ROBO2: variants seen among roughly 807,000 people sequenced by gnomAD.
ROBO2 encodes the protein roundabout homolog 2.
In ROBO2, 53 loss-of-function variants were observed where a neutral mutation model predicts 160.8. The observed-to-expected ratio is 0.33, with a 90% CI of 0.26 to 0.41. ROBO2 has a LOEUF of 0.41. Among genes scored for constraint, ROBO2 ranks in the 10% least tolerant of loss-of-function variants. The probability of loss-of-function intolerance (pLI) is 1.00; values close to 1 mark genes in which losing one functional copy is unlikely to be tolerated. For synonymous variants in ROBO2, 664 were observed against 611.7 expected (o/e 1.09, Z -1.26); for missense variants, 1,577 against 1,722.4 (o/e 0.92, Z 1.49).
chr3:76,805,492 T>C (rs866835601), intron 2 of ROBO2, among the ~76,000 whole-genome samples: 2 of 151,284 alleles, frequency 1.3e-5, no homozygotes, highest in Non-Finnish European at 1.5e-5. Flanking sequence ...GTTCCCCCCA[T>C]ATATATATAT....
At chr3:76,017,353 T>G (rs778165485) in intron 2 of ROBO2, among the ~76,000 whole-genome samples, 18 of 152,284 alleles carry the variant, frequency 1.2e-4, no homozygotes, top group South Asian at 1.0e-3. Flanking sequence ...GAATATATAT[T>G]GAATATATAG....
At chr3:76,818,172 G>C (rs942511589) in intron 2 of ROBO2, among the ~76,000 whole-genome samples, 3 of 151,718 alleles carry the variant, frequency 2.0e-5, no homozygotes. Context: ...ATTATTTTTT[G>C]ATTATGGCCA....
chr3:76,150,707 A>G (rs1045399357), intron 2 of ROBO2, among the ~76,000 whole-genome samples: 1 of 151,962 alleles, frequency 6.6e-6, no homozygotes, highest in African/African-American at 2.4e-5. Context: ...CTAAAATACC[A>G]CTTCATCCCC....
At chr3:76,977,846 A>C (rs764390702) in intron 2 of ROBO2, among the ~76,000 whole-genome samples, 10 of 152,210 alleles carry the variant, frequency 6.6e-5, no homozygotes, top group Non-Finnish European at 7.4e-5. Context: ...AAAGATGGGA[A>C]AATCATCTGT....
intron 2 of ROBO2, among the ~76,000 whole-genome samples, chr3:76,396,027 A>T (rs1442004190): frequency 1.3e-5 from 2 of 152,102 alleles, no homozygotes; most frequent in Non-Finnish European, 2.9e-5. Context: ...TAAAAAAGAG[A>T]ATTTTAGACC....
intron 2 of ROBO2, among the ~76,000 whole-genome samples, chr3:76,737,103 G>A (rs1400681354): frequency 2.0e-5 from 3 of 152,100 alleles, no homozygotes; most frequent in Admixed American, 6.6e-5. Flanking sequence ...ATGTTTTTAC[G>A]TGCAATAATT....
chr3:77,176,334 G>A lies in ROBO2; in HGVS notation c.388+77994G>A, dbSNP rs1392009390. On this transcript the variant is annotated intron_variant, in intron 2 of 25. Transcript: ENST00000461745. ...ACTACTTACATATGAATGAGTCAGT[G>A]AAAATACTCGGACGGATTTTTCCCT... Among the ~76,000 whole-genome samples the A allele has an allele frequency of 2.0e-5, 3 of 152,146 alleles. No individual in the cohort carries two copies. The East Asian group carries it at 5.8e-4, about 29-fold the overall frequency.
chr3:77,245,086 A>G (rs1035313709), intron 2 of ROBO2, among the ~76,000 whole-genome samples: 2 of 152,120 alleles, frequency 1.3e-5, no homozygotes, highest in Non-Finnish European at 2.9e-5. Flanking sequence ...AGTTTTGTGC[A>G]TGCTGCATTT....
At chr3:77,340,671 C>T (rs2153450663) in intron 2 of ROBO2, among the ~76,000 whole-genome samples, 1 of 152,222 alleles carries the variant, frequency 6.6e-6, no homozygotes, top group East Asian at 1.9e-4. Context: ...TGTTCAAAAT[C>T]ATTTAAGTCC....
chr3:76,558,349 G>C (rs1900658), intron 2 of ROBO2, among the ~76,000 whole-genome samples: 58,183 of 110,572 alleles, frequency 0.53, 11,327 homozygotes, highest in South Asian at 0.63. Flanking sequence ...AGTTAGAAGT[G>C]TCTTAAGTTA....
chr3:76,070,117 G>C (rs896845339), intron 2 of ROBO2, among the ~76,000 whole-genome samples: 3 of 152,156 alleles, frequency 2.0e-5, no homozygotes, highest in African/African-American at 7.2e-5. Context: ...TAAGCAATAT[G>C]AAATCTGGGT....
chr3:77,316,835 G>A, intron 2 of ROBO2: 4 of 1,271,784 alleles, frequency 3.1e-6, no homozygotes, highest in Admixed American at 1.7e-5. Context: ...GACAGTGTCA[G>A]TTTGATACCT....
At chr3:76,105,259 C>T (rs1484141554) in intron 2 of ROBO2, among the ~76,000 whole-genome samples, 4 of 151,678 alleles carry the variant, frequency 2.6e-5, no homozygotes, top group African/African-American at 7.3e-5. Flanking sequence ...AAATTGACAG[C>T]GCTCTGCCAA....
chr3:76,832,845 C>A (rs1339265772), intron 2 of ROBO2, among the ~76,000 whole-genome samples: 1 of 152,068 alleles, frequency 6.6e-6, no homozygotes, highest in Non-Finnish European at 1.5e-5. Flanking sequence ...TTAGATTATA[C>A]CTAACATTCC....
chr3:76,508,020 T>C (rs571987088), intron 2 of ROBO2, among the ~76,000 whole-genome samples: 15 of 152,196 alleles, frequency 9.9e-5, no homozygotes, highest in Non-Finnish European at 1.5e-4. Flanking sequence ...ATGTCACTTA[T>C]CTAAAGTAAA....
At chr3:77,443,299 T>A (rs1369938758) in intron 2 of ROBO2, among the ~76,000 whole-genome samples, 2 of 152,058 alleles carry the variant, frequency 1.3e-5, no homozygotes, top group Non-Finnish European at 2.9e-5. Context: ...ATTATCTTTT[T>A]TTTTTCAGAA....
At chr3:76,554,849 T>A (rs1439438916) in intron 2 of ROBO2, among the ~76,000 whole-genome samples, 1 of 152,006 alleles carries the variant, frequency 6.6e-6, no homozygotes, top group African/African-American at 2.4e-5. Context: ...TGAGTTACAA[T>A]CCTACAGTGG....
chr3:77,383,668 A>G (rs1421712154), intron 2 of ROBO2, among the ~76,000 whole-genome samples: 1 of 152,132 alleles, frequency 6.6e-6, no homozygotes, highest in African/African-American at 2.4e-5. Context: ...ATTTTAACCT[A>G]AAAGCTGTTA....
chr3:76,303,407 C>T (rs969204056), intron 2 of ROBO2, among the ~76,000 whole-genome samples: 8 of 152,002 alleles, frequency 5.3e-5, no homozygotes, highest in South Asian at 2.1e-4. Context: ...AAACCCAGAA[C>T]GCATAAACTT....
Sources: gnomAD v4.1 joint callset for allele counts (sites outside exome capture counted in the v4.1 genomes callset) on GRCh38, gnomAD v4.1.1 for gene constraint, MANE v1.5 for transcripts, NCBI Gene and HGNC (gene_info 2026-07-23, HGNC 2026-07-21) for gene names.